The following B4GALT6 variants were observed in gnomAD, a reference collection of about 807,000 sequenced individuals.
B4GALT6 encodes the protein beta-1,4-galactosyltransferase 6, also known as UDP-Gal:beta-GlcNAc beta-1,4-galactosyltransferase 6.
A neutral mutation model predicts 46.3 loss-of-function variants in B4GALT6; 14 were observed. The ratio of observed to expected loss-of-function variants is 0.30; its 90% confidence interval spans 0.20 to 0.47. The LOEUF (loss-of-function observed/expected upper bound fraction) is 0.47. B4GALT6 is among the 20% of genes least tolerant of loss of function. The pLI, the probability that B4GALT6 is intolerant of heterozygous loss-of-function variation, is 0.99. For synonymous variants in B4GALT6, 168 were observed against 162.0 expected, an observed-to-expected ratio of 1.04 and a Z score of -0.28; for missense variants, 386 against 480.1, an observed-to-expected ratio of 0.80 and a Z score of 1.83.
upstream of B4GALT6, chr18:31,685,894 C>T (rs2029899545): frequency 6.6e-6 from 1 of 152,252 alleles, no homozygotes; most frequent in Admixed American, 6.5e-5. Flanking sequence ...CTATGTGCGT[C>T]CCTTATACCA....
rs1298200429 is a variant in B4GALT6, at chr18:31,624,841, CA to C, written c.*772del. On this transcript the variant is annotated 3_prime_UTR_variant, in exon 9 of 9. Transcript: ENST00000306851. ...AGAGATCCTTTATATCATGTCACATCACAACTTTTAAGATTTTTCTTGGTAA... is the reference window on the plus strand; with the variant it reads ...AGAGATCCTTTATATCATGTCACATCCAACTTTTAAGATTTTTCTTGGTAA... The C allele has an allele frequency of 1.3e-5, 2 of 152,590 alleles. No individual in the cohort carries two copies. The highest frequency in any genetic ancestry group is 2.9e-5 in the Non-Finnish European group (2 of 68,008). The allele number at this position is 152,590 out of a possible 1,614,324, so 9.5% of individuals were successfully genotyped here.
chr18:31,642,446 G>T (rs1232276236), intron 4 of B4GALT6, among the ~76,000 whole-genome samples: 1 of 152,190 alleles, frequency 6.6e-6, no homozygotes, highest in Non-Finnish European at 1.5e-5. Flanking sequence ...CAGGCCTCTG[G>T]GTAGACAAGA....
chr18:31,633,389 T>G (rs2073815680), intron 5 of B4GALT6, among the ~76,000 whole-genome samples: 1 of 151,804 alleles, frequency 6.6e-6, no homozygotes, highest in African/African-American at 2.4e-5. Flanking sequence ...CATACATTAA[T>G]ATAAAACTAC....
At chr18:31,688,871 T>A (rs2030017431), upstream of B4GALT6, among the ~76,000 whole-genome samples, 1 of 152,184 alleles carries the variant, frequency 6.6e-6, no homozygotes, top group Non-Finnish European at 1.5e-5. Flanking sequence ...CCACACCAGC[T>A]CTTATCTTCA....
chr18:31,701,213 G>A, the B4GALT6 span, among the ~76,000 whole-genome samples: 5 of 152,144 alleles, frequency 3.3e-5, no homozygotes, highest in African/African-American at 7.2e-5. Context: ...CATCTCCTTG[G>A]TGCTGTTCTT....
Position 31,659,853 on chromosome 18 carries a change from A to G in B4GALT6, c.233-1764T>C, listed in dbSNP as rs2074190167. On this transcript the variant is annotated intron_variant, in intron 2 of 8. Transcript: ENST00000306851. ...CCAAGACCACAGACACTACACTGGT[A>G]GCCCATGCTCAATGTATTCCCCATA... Among the ~76,000 whole-genome samples, 3 of 152,108 alleles carry G rather than the reference A, an allele frequency of 2.0e-5. No individual in the cohort carries two copies. The South Asian group carries it at 6.2e-4, about 32-fold the overall frequency.
At position 31,673,799 on chromosome 18, in the gene B4GALT6, C is replaced by A. The variant is rs182234528; in HGVS notation, c.116-7427G>T. ...GTGAATGTGACACTCAGAAAGGGGT[C>A]TTTCCAGATGCAATTAAGCTAAGGA... On this transcript the variant is annotated intron_variant, in intron 1 of 8. Transcript: ENST00000306851. 1.9e-3 allele frequency among the ~76,000 whole-genome samples: 283 copies of A among 152,298 alleles called. 3 individuals are homozygous for A. Among genetic ancestry groups the A allele is most frequent in the African/African-American group, 6.6e-3 (273 of 41,570 alleles).
chr18:31,694,550 G>A, the B4GALT6 span, among the ~76,000 whole-genome samples: 1 of 152,168 alleles, frequency 6.6e-6, no homozygotes, highest in Admixed American at 6.5e-5. Flanking sequence ...ATACCAAGGA[G>A]AGGCCATGAA....
the B4GALT6 span, among the ~76,000 whole-genome samples, chr18:31,710,814 C>CCACACACACACACACACACACACACA: frequency 6.3e-4 from 89 of 140,218 alleles, no homozygotes; most frequent in Admixed American, 2.8e-3. Flanking sequence ...CCTGAATACA[C>CCACACACACACACACACACACACACA]CACACACACA....
At chr18:31,707,481 A>G in the B4GALT6 span, among the ~76,000 whole-genome samples, 3,040 of 152,236 alleles carry the variant, frequency 0.02, 78 homozygotes, top group African/African-American at 0.057. Flanking sequence ...GTGGGCAGTG[A>G]ATTTTGTTTT....
At chr18:31,715,149 T>A in the B4GALT6 span, among the ~76,000 whole-genome samples, 174 of 152,332 alleles carry the variant, frequency 1.1e-3, 1 homozygote, top group Admixed American at 6.3e-3. Flanking sequence ...CATATTTAAC[T>A]CAACTGCCTC....
chr18:31,625,856 C>T (rs1025273358), intron 8 of B4GALT6, 95 bp from the exon 9 acceptor site: 4 of 977,210 alleles, frequency 4.1e-6, no homozygotes, highest in East Asian at 2.8e-5. Flanking sequence ...ATAATTAAAG[C>T]ACTTAATGCC....
At chr18:31,641,620 C>T (rs559161614) in intron 4 of B4GALT6, among the ~76,000 whole-genome samples, 2 of 152,226 alleles carry the variant, frequency 1.3e-5, no homozygotes, top group East Asian at 3.9e-4. Context: ...CCCTAATTTG[C>T]TGTTTGAGCC....
chr18:31,721,987 C>A, the B4GALT6 span, among the ~76,000 whole-genome samples: 62 of 152,124 alleles, frequency 4.1e-4, no homozygotes, highest in African/African-American at 1.5e-3. Flanking sequence ...AACTCACATA[C>A]CCTTCGAACT....
intron 1 of B4GALT6, among the ~76,000 whole-genome samples, chr18:31,677,624 C>T (rs561031002): frequency 6.6e-6 from 1 of 152,236 alleles, no homozygotes; most frequent in African/African-American, 2.4e-5. Context: ...CACTGTATTA[C>T]TTGTATATTA....
At chr18:31,639,067 G>A (rs2073898344) in intron 4 of B4GALT6, among the ~76,000 whole-genome samples, 1 of 152,198 alleles carries the variant, frequency 6.6e-6, no homozygotes, top group Non-Finnish European at 1.5e-5. Context: ...TACTTTGGTG[G>A]CAATATGGAG....
At chr18:31,680,154 C>G (rs1290574363) in intron 1 of B4GALT6, among the ~76,000 whole-genome samples, 2 of 152,134 alleles carry the variant, frequency 1.3e-5, no homozygotes, top group Non-Finnish European at 2.9e-5. Context: ...CTGAAATGGG[C>G]CATGCAGATC....
At chr18:31,639,330 GA>G (rs1431436616) in intron 4 of B4GALT6, among the ~76,000 whole-genome samples, 2 of 152,044 alleles carry the variant, frequency 1.3e-5, no homozygotes, top group Non-Finnish European at 2.9e-5. Context: ...TAACTTCCTG[GA>G]TTTTGAATTG....
chr18:31,690,620 A>C (rs942049488), upstream of B4GALT6, among the ~76,000 whole-genome samples: 10 of 151,218 alleles, frequency 6.6e-5, no homozygotes, highest in Admixed American at 3.9e-4. Context: ...ACAGGCACCC[A>C]CCACCACACC....
Sources: gnomAD v4.1 joint callset for allele counts (sites outside exome capture counted in the v4.1 genomes callset) on GRCh38, gnomAD v4.1.1 for gene constraint, MANE v1.5 for transcripts, NCBI Gene and HGNC (gene_info 2026-07-23, HGNC 2026-07-21) for gene names.